Variants in ARRB1 observed in about 807,000 individuals in gnomAD.
ARRB1 encodes the protein beta-arrestin-1.
A neutral mutation model predicts 56.8 loss-of-function variants in ARRB1; 21 were observed. That is an observed-to-expected ratio of 0.37 (90% CI 0.26 to 0.53). The LOEUF (loss-of-function observed/expected upper bound fraction) is 0.53. ARRB1 is among the 20% of genes least tolerant of loss of function. ARRB1 has a pLI of 0.88. For synonymous variants in ARRB1, 210 were observed against 218.6 expected (o/e 0.96, Z 0.35); for missense variants, 424 against 553.7 (o/e 0.77, Z 2.35).
At chr11:75,350,314 T>A (rs1947827199) in intron 1 of ARRB1, among the ~76,000 whole-genome samples, 1 of 152,004 alleles carries the variant, frequency 6.6e-6, no homozygotes, top group Non-Finnish European at 1.5e-5. Flanking sequence ...TCCCCCACAC[T>A]ACGCCTAGTA....
chr11:75,290,896 C>T (rs893091823), intron 1 of ARRB1, among the ~76,000 whole-genome samples: 3 of 152,154 alleles, frequency 2.0e-5, no homozygotes, highest in Admixed American at 6.5e-5. Context: ...TGAGCCACCA[C>T]GCCCAACCAA....
At chr11:75,281,747 C>A (rs1198848518) in intron 6 of ARRB1, 3 of 582,976 alleles carry the variant, frequency 5.1e-6, no homozygotes, top group Non-Finnish European at 9.2e-6. Context: ...GCCTCCAGAC[C>A]CATCACTGAA....
At chr11:75,296,282 C>G (rs1462537230) in intron 1 of ARRB1, among the ~76,000 whole-genome samples, 1 of 151,442 alleles carries the variant, frequency 6.6e-6, no homozygotes, top group African/African-American at 2.4e-5. Flanking sequence ...GAATTTCATG[C>G]TGCAAATTTA....
At chr11:75,344,670 G>A (rs498846) in intron 1 of ARRB1, among the ~76,000 whole-genome samples, 2 of 152,084 alleles carry the variant, frequency 1.3e-5, no homozygotes, top group East Asian at 1.9e-4. Flanking sequence ...TCCTGCACAC[G>A]GGAAGGCAGA....
rs1947825907 is a variant in ARRB1 at position 75,350,218 on chromosome 11, G to A, written c.20+1370C>T. Among the ~76,000 whole-genome samples the A allele has an allele frequency of 2.6e-5, 4 of 152,200 alleles. No individual in the cohort carries two copies. In the South Asian group the frequency reaches 8.3e-4, roughly 31 times the overall value. On this transcript the variant is annotated intron_variant, in intron 1 of 15. Transcript: ENST00000420843. ...GTGGGTGAGAAATAGCTTTGTCAGT[G>A]GCCCTGAAAGGTGGTGCCCACCGGG...
intron 14 of ARRB1, 30 bp from the exon 15 acceptor site, chr11:75,267,733 C>A: frequency 6.3e-7 from 1 of 1,593,044 alleles, no homozygotes. Flanking sequence ...GCAGGGTGTC[C>A]AGGGATTAGT....
intron 1 of ARRB1, among the ~76,000 whole-genome samples, chr11:75,334,692 T>C (rs1947575015): frequency 6.6e-6 from 1 of 152,236 alleles, no homozygotes; most frequent in South Asian, 2.1e-4. Context: ...TTCCAGTCTC[T>C]AATTTACATG....
At chr11:75,323,836 A>G (rs977624377) in intron 1 of ARRB1, among the ~76,000 whole-genome samples, 3 of 152,174 alleles carry the variant, frequency 2.0e-5, no homozygotes, top group Non-Finnish European at 4.4e-5. Context: ...TTTCAGCACT[A>G]TTTACAAAAC....
intron 1 of ARRB1, among the ~76,000 whole-genome samples, chr11:75,307,789 T>A (rs976476389): frequency 1.3e-5 from 2 of 152,200 alleles, no homozygotes; most frequent in Non-Finnish European, 2.9e-5. Flanking sequence ...GCCATATTTA[T>A]GTCAGCTGTG....
intron 1 of ARRB1, among the ~76,000 whole-genome samples, chr11:75,341,516 G>C (rs182773111): frequency 2.6e-5 from 4 of 152,208 alleles, no homozygotes; most frequent in Admixed American, 2.6e-4. Flanking sequence ...TTTCCCAAAG[G>C]AGAAAACTGA....
chr11:75,343,509 C>T lies in ARRB1; in HGVS notation c.20+8079G>A, dbSNP rs111785198. On this transcript the variant is annotated intron_variant, in intron 1 of 15. Coordinates refer to ENST00000420843, the MANE Select transcript of ARRB1 (RefSeq NM_004041.5). Reference sequence around the variant, plus strand: ...AGAACCGCATAAAACTGACCTTGCACAGGGACTTTCTTTGCTTTATCTTAC... The same window carrying T: ...AGAACCGCATAAAACTGACCTTGCATAGGGACTTTCTTTGCTTTATCTTAC... Among the ~76,000 whole-genome samples, 401 of 152,282 alleles carry T rather than the reference C, an allele frequency of 2.6e-3. 1 individual carries two copies. Among genetic ancestry groups the T allele is most frequent in the African/African-American group, 9.0e-3 (372 of 41,540 alleles).
At chr11:75,287,243 T>G in intron 3 of ARRB1, 72 bp downstream of exon 3, 1 of 1,487,136 alleles carries the variant, frequency 6.7e-7, no homozygotes, top group Non-Finnish European at 9.1e-7. Flanking sequence ...TCTGGAGAGC[T>G]GAGAGCTATT....
chr11:75,283,857 C>G lies in ARRB1; in HGVS notation c.158-374G>C, dbSNP rs528561009. Among the ~76,000 whole-genome samples, 168 of 152,186 alleles carry G rather than the reference C, an allele frequency of 1.1e-3. 3 individuals are homozygous for G. The South Asian group carries it at 0.034, about 31-fold the overall frequency. On this transcript the variant is annotated intron_variant, in intron 4 of 15. Coordinates refer to ENST00000420843, the MANE Select transcript of ARRB1 (RefSeq NM_004041.5). ...GGAGCAGGGAGTTGTGGGGGCAGGG[C>G]AAGTGCTGGGTGGTATCTGGACGGC...
chr11:75,312,020 A>G lies in ARRB1; in HGVS notation c.21-21981T>C, dbSNP rs1234003027. On this transcript the variant is annotated intron_variant, in intron 1 of 15. Coordinates refer to ENST00000420843, the MANE Select transcript of ARRB1 (RefSeq NM_004041.5). The stretch of plus-strand genomic sequence containing the variant: ...GACCGTTCTCGAAGGCCCAGATCGG[A>G]GGCCCTGCCCAGCCTCTTCCCCTCC... 13 of 1,286,556 alleles carry G rather than the reference A, an allele frequency of 1.0e-5. No homozygotes were observed. In the South Asian group the frequency reaches 1.5e-4, roughly 15 times the overall value. 79.7% of individuals were successfully genotyped at this position (1,286,556 alleles called of 1,614,324 possible).
At chr11:75,291,195 G>C (rs992584738) in intron 1 of ARRB1, among the ~76,000 whole-genome samples, 1 of 152,060 alleles carries the variant, frequency 6.6e-6, no homozygotes, top group African/African-American at 2.4e-5. Context: ...AAATTAGCTG[G>C]GCATGGTGGT....
chr11:75,327,709 C>T (rs1947464324), intron 1 of ARRB1, among the ~76,000 whole-genome samples: 1 of 151,834 alleles, frequency 6.6e-6, no homozygotes, highest in Admixed American at 6.6e-5. Flanking sequence ...CTGCCTCAGC[C>T]TCCTAAGTAG....
Position 75,261,544 on chromosome 11 carries a change from G to T in ARRB1, c.*4619C>A, listed in dbSNP as rs956963440. 1 of 152,206 alleles carries T rather than the reference G, an allele frequency of 6.6e-6. No individual in the cohort carries two copies. Among genetic ancestry groups the T allele is most frequent in the Non-Finnish European group, 1.5e-5 (1 of 68,046 alleles). The allele number at this position is 152,206 out of a possible 1,614,324, so 9.4% of individuals were successfully genotyped here. Reference sequence around the variant, plus strand: ...TCTGTGGAATATCAGGGGTTCCGCAGCACCTGGTTTGAAAACCACTGTGTC... The same window carrying T: ...TCTGTGGAATATCAGGGGTTCCGCATCACCTGGTTTGAAAACCACTGTGTC... On this transcript the variant is annotated 3_prime_UTR_variant, in exon 16 of 16. Coordinates refer to ENST00000420843, the MANE Select transcript of ARRB1 (RefSeq NM_004041.5).
chr11:75,280,300 G>T (rs1178746497), intron 7 of ARRB1, among the ~76,000 whole-genome samples: 1 of 152,222 alleles, frequency 6.6e-6, no homozygotes, highest in Non-Finnish European at 1.5e-5. Context: ...TGCCAGGGCT[G>T]CAGATGCAAA....
chr11:75,324,324 G>C (rs957228935), intron 1 of ARRB1, among the ~76,000 whole-genome samples: 1 of 152,174 alleles, frequency 6.6e-6, no homozygotes, highest in African/African-American at 2.4e-5. Context: ...ACAGCGCCTA[G>C]CACACAGCAG....
Sources: allele counts gnomAD v4.1 joint callset (sites outside exome capture counted in the v4.1 genomes callset), GRCh38; gene constraint gnomAD v4.1.1; transcripts MANE v1.5; gene names NCBI Gene and HGNC (gene_info 2026-07-23, HGNC 2026-07-21).